Variants in RBM19 observed in about 807,000 individuals in gnomAD.
The protein encoded by RBM19 is probable RNA-binding protein 19.
A neutral mutation model predicts 116.8 loss-of-function variants in RBM19; 94 were observed. That is an observed-to-expected ratio of 0.80 (90% confidence interval 0.68 to 0.95). RBM19 has a LOEUF of 0.95. Ranked by LOEUF, RBM19 falls within the 40% of genes least tolerant of loss-of-function variation. The pLI, the probability that RBM19 is intolerant of heterozygous loss-of-function variation, is 0.00. For missense variants in RBM19, 1,161 were observed against 1,220.7 expected, an observed-to-expected ratio of 0.95 and a Z score of 0.73; for synonymous variants, 475 against 494.1, an observed-to-expected ratio of 0.96 and a Z score of 0.51.
intron 7 of RBM19, 97 bp from the exon 8 acceptor site, chr12:113,952,687 A>C (rs999006254): frequency 1.4e-5 from 13 of 943,820 alleles, no homozygotes; most frequent in South Asian, 1.1e-4. Context: ...AAAGGATTAC[A>C]AAGTGTTTCA....
At chr12:113,895,373 C>A (rs1046789183) in intron 21 of RBM19, among the ~76,000 whole-genome samples, 3 of 152,080 alleles carry the variant, frequency 2.0e-5, no homozygotes, top group African/African-American at 7.2e-5. Context: ...CTCAACCATA[C>A]AACATGCCCG....
chr12:113,831,510 C>T (rs1011632151), intron 23 of RBM19, among the ~76,000 whole-genome samples: 1 of 152,180 alleles, frequency 6.6e-6, no homozygotes, highest in African/African-American at 2.4e-5. Flanking sequence ...CGGCCCAGCC[C>T]CTGCCCCTCC....
At position 113,915,114 on chromosome 12, in the gene RBM19, T is replaced by G. The variant is rs776300103; in HGVS notation, c.2442-29A>C. ...GAGTGGTGGGGGGAGAGGGTCCAAG[T>G]TATTCGGAGCTTCAGCAGCTCCTGC... is the stretch of plus-strand genomic sequence containing the variant. On this transcript the variant is annotated intron_variant, in intron 20 of 23. Coordinates refer to ENST00000261741, the MANE Select transcript of RBM19 (RefSeq NM_016196.4). 350 of 1,563,964 alleles carry G rather than the reference T, an allele frequency of 2.2e-4. 1 individual carries two copies. The Middle Eastern group carries it at 3.7e-3, about 16-fold the overall frequency.
At chr12:113,942,594 CTTTT>C (rs71443067) in intron 13 of RBM19, among the ~76,000 whole-genome samples, 160 bp from the exon 14 acceptor site, 1 of 125,854 alleles carries the variant, frequency 7.9e-6, no homozygotes, top group Admixed American at 8.0e-5. Context: ...CGGCTCTGTG[CTTTT>C]TTTTTTTTTT....
intron 6 of RBM19, among the ~76,000 whole-genome samples, chr12:113,955,837 G>A (rs906779493): frequency 2.0e-5 from 3 of 152,190 alleles, no homozygotes; most frequent in South Asian, 2.1e-4. Context: ...ATGTGACTGC[G>A]CTTGACCGTG....
intron 22 of RBM19, among the ~76,000 whole-genome samples, 174 bp downstream of exon 22, chr12:113,858,617 A>C (rs946941930): frequency 2.0e-5 from 3 of 151,598 alleles, no homozygotes; most frequent in African/African-American, 7.3e-5. Context: ...CCAAATACAA[A>C]CCCCCCAGGA....
intron 21 of RBM19, among the ~76,000 whole-genome samples, chr12:113,891,837 C>G (rs900272497): frequency 6.6e-6 from 1 of 152,192 alleles, no homozygotes; most frequent in African/African-American, 2.4e-5. Flanking sequence ...AATTGCCCCA[C>G]GAAGTGTAAT....
chr12:113,866,891 A>G (rs780961734), intron 21 of RBM19, among the ~76,000 whole-genome samples: 1 of 152,238 alleles, frequency 6.6e-6, no homozygotes, highest in African/African-American at 2.4e-5. Context: ...TATTGGTAAC[A>G]AAGTCAAGAC....
chr12:113,937,593 C>T (rs1031616567), intron 15 of RBM19, among the ~76,000 whole-genome samples: 3 of 152,010 alleles, frequency 2.0e-5, no homozygotes, highest in Admixed American at 6.6e-5. Flanking sequence ...CATATGTGTG[C>T]ATGCAGATGT....
intron 22 of RBM19, among the ~76,000 whole-genome samples, chr12:113,857,685 C>T (rs960166607): frequency 6.6e-6 from 1 of 152,256 alleles, no homozygotes; most frequent in Non-Finnish European, 1.5e-5. Context: ...GCTCAAGACT[C>T]GGAGACAAAG....
rs1872130121 is a variant in RBM19 at position 113,958,043 on chromosome 12, T to C, written c.579A>G (p.Ala193=). 6.2e-7 allele frequency: 1 copy of C among 1,608,130 alleles called. No individual in the cohort carries two copies. Among genetic ancestry groups the C allele is most frequent in the Non-Finnish European group, 8.5e-7 (1 of 1,177,156 alleles). ...EGAGEDLEEE[A]SLEPKAAVQK... ...GCACAGCTGCCTTTGGTTCGAGGCT[T>C]GCCTCTTCTGGAAAAACAGGGAAGC... The change falls in exon 6 of 24, where the codon GCA becomes GCG. Residue 193 remains alanine, a synonymous_variant. Coordinates refer to ENST00000261741, the MANE Select transcript of RBM19 (RefSeq NM_016196.4).
chr12:113,883,510 C>T (rs1880294698), intron 21 of RBM19, among the ~76,000 whole-genome samples: 1 of 152,250 alleles, frequency 6.6e-6, no homozygotes, highest in African/African-American at 2.4e-5. Flanking sequence ...GAACACTGCA[C>T]ACTAATAGGG....
chr12:113,912,347 G>A (rs905636955), intron 21 of RBM19, among the ~76,000 whole-genome samples: 2 of 152,182 alleles, frequency 1.3e-5, no homozygotes, highest in African/African-American at 2.4e-5. Flanking sequence ...TACATGCCTC[G>A]TGCCTAGCAC....
rs190336005 is a variant in RBM19, at chr12:113,846,516, T to C, written c.2665-1728A>G. 3.9e-5 allele frequency among the ~76,000 whole-genome samples: 6 copies of C among 152,084 alleles called. No homozygotes were observed. In the South Asian group the frequency reaches 8.3e-4, roughly 21 times the overall value. ...AATGACTAGTGTCATTGGATGGCCATGTGAAGACAGAGACACATGGCAAAT... is the reference window on the plus strand; with the variant it reads ...AATGACTAGTGTCATTGGATGGCCACGTGAAGACAGAGACACATGGCAAAT... On this transcript the variant is annotated intron_variant, in intron 22 of 23. Transcript: ENST00000261741.
intron 21 of RBM19, among the ~76,000 whole-genome samples, chr12:113,882,490 T>C (rs1880217212): frequency 1.3e-5 from 2 of 152,188 alleles, no homozygotes; most frequent in South Asian, 4.2e-4. Context: ...TCAGCATATT[T>C]TATTTGAAAG....
Position 113,852,936 on chromosome 12 carries a change from C to T in RBM19, c.2664+5855G>A, listed in dbSNP as rs894034699. ...GCGATGGTTTACTGTGCACACAACA[C>T]GGCTCAGCACTGTGCTGGGTGCGCT... On this transcript the variant is annotated intron_variant, in intron 22 of 23. Transcript: ENST00000261741. 8.5e-5 allele frequency among the ~76,000 whole-genome samples: 13 copies of T among 152,360 alleles called. No individual in the cohort carries two copies. In the East Asian group the frequency reaches 1.7e-3, roughly 20 times the overall value.
intron 21 of RBM19, among the ~76,000 whole-genome samples, chr12:113,909,711 C>T (rs967447969): frequency 6.6e-6 from 1 of 152,092 alleles, no homozygotes. Flanking sequence ...TATGGACAGG[C>T]TAAGCGTGAG....
intron 21 of RBM19, among the ~76,000 whole-genome samples, chr12:113,863,876 C>T (rs1381099350): frequency 6.6e-6 from 1 of 152,218 alleles, no homozygotes; most frequent in Non-Finnish European, 1.5e-5. Context: ...GCCACCCCTA[C>T]CAATTTTCTA....
At chr12:113,821,832 G>A (rs541967253), downstream of RBM19, among the ~76,000 whole-genome samples, 2 of 152,202 alleles carry the variant, frequency 1.3e-5, no homozygotes, top group African/African-American at 4.8e-5. Flanking sequence ...GATGGCTAAG[G>A]GGGTGCCTGC....
Sources: allele counts gnomAD v4.1 joint callset (sites outside exome capture counted in the v4.1 genomes callset), GRCh38; gene constraint gnomAD v4.1.1; transcripts MANE v1.5; gene names NCBI Gene and HGNC (gene_info 2026-07-23, HGNC 2026-07-21).